The following SLC30A6 variants were observed in gnomAD, a reference collection of about 807,000 sequenced individuals.
The protein encoded by SLC30A6 is zinc transporter 6.
In SLC30A6, 55 loss-of-function variants were observed where a neutral mutation model predicts 63.0. The observed-to-expected ratio is 0.87, with a 90% CI of 0.70 to 1.09. The LOEUF (loss-of-function observed/expected upper bound fraction) is 1.09. SLC30A6 is among the 50% of genes least tolerant of loss of function. SLC30A6 has a pLI of 0.00. For missense variants in SLC30A6, 587 were observed against 549.2 expected (o/e 1.07, Z -0.69); for synonymous variants, 224 against 186.1 (o/e 1.20, Z -1.66).
Position 32,220,217 on chromosome 2 carries a change from G to A in SLC30A6, c.890G>A (p.Gly297Glu), listed in dbSNP as rs761411055. 2 of 1,611,654 alleles carry A rather than the reference G, an allele frequency of 1.2e-6. No homozygotes were observed. The highest frequency in any genetic ancestry group is 1.7e-6 in the Non-Finnish European group (2 of 1,177,994). ...TTATGATTTTGCCCCTTTTAGGCTG[G>A]ATCAGTGCATGTAAGAATTCGACGA... Reference protein sequence around the residue: ...FWTLGFGSLAGSVHVRIRRDA... With the variant: ...FWTLGFGSLAESVHVRIRRDA... The change falls in exon 14 of 14, where the codon GGA becomes GAA. Residue 297 changes from glycine (G) to glutamate (E), a missense_variant. Transcript: ENST00000282587.
At chr2:32,188,570 T>C (rs1194590864) in intron 5 of SLC30A6, among the ~76,000 whole-genome samples, 2 of 152,152 alleles carry the variant, frequency 1.3e-5, no homozygotes, top group Non-Finnish European at 2.9e-5. Flanking sequence ...GGTGCGAGCC[T>C]GTCGTCCCAC....
At chr2:32,165,940 C>T (rs1007009777) in intron 1 of SLC30A6, 37 bp downstream of exon 1, 29 of 1,613,990 alleles carry the variant, frequency 1.8e-5, no homozygotes, top group Non-Finnish European at 2.5e-5. Flanking sequence ...TCGGCTGTAG[C>T]TGATTCGGTT....
chr2:32,200,267 C>A (rs1017363663), intron 10 of SLC30A6, among the ~76,000 whole-genome samples: 1 of 151,938 alleles, frequency 6.6e-6, no homozygotes, highest in Non-Finnish European at 1.5e-5. Flanking sequence ...TTGCTAGTTA[C>A]CTTTTATTTT....
intron 10 of SLC30A6, among the ~76,000 whole-genome samples, chr2:32,198,070 A>T (rs181712449): frequency 1.3e-5 from 2 of 152,320 alleles, no homozygotes; most frequent in African/African-American, 4.8e-5. Context: ...TGCTGACCTG[A>T]TGAGTGAAAC....
At chr2:32,202,294 T>C in intron 10 of SLC30A6, 1 of 488,804 alleles carries the variant, frequency 2.0e-6, no homozygotes, top group South Asian at 2.4e-5. Context: ...TTGCGATCCC[T>C]TTGATTGAAA....
chr2:32,178,891 CT>C (rs1011388273), intron 4 of SLC30A6, among the ~76,000 whole-genome samples: 2 of 152,082 alleles, frequency 1.3e-5, no homozygotes, highest in African/African-American at 4.8e-5. Context: ...AACAGGCATT[CT>C]TTTTTCTCAG....
chr2:32,201,311 C>G (rs1684272296), intron 10 of SLC30A6, among the ~76,000 whole-genome samples: 1 of 152,148 alleles, frequency 6.6e-6, no homozygotes, highest in African/African-American at 2.4e-5. Flanking sequence ...GAACTTCAGC[C>G]AGTTTGAATT....
chr2:32,192,600 C>CT (rs1683432789), intron 6 of SLC30A6, among the ~76,000 whole-genome samples, 184 bp downstream of exon 6: 1 of 151,992 alleles, frequency 6.6e-6, no homozygotes, highest in South Asian at 2.1e-4. Context: ...TACTTCCTTC[C>CT]TTAATGCTAC....
rs149717031 is a variant in SLC30A6, at chr2:32,186,041, T to TTG, written c.284+1718_284+1719dup. On this transcript the variant is annotated intron_variant, in intron 5 of 13. Transcript: ENST00000282587. ...CCACCACACCCAGACTTTTTTTCTT[T>TTG]TGTGTGTGTGTGTGTGACAGTTTTG... Among the ~76,000 whole-genome samples the TTG allele has an allele frequency of 4.5e-3, 673 of 151,190 alleles. 5 individuals carry two copies. Among genetic ancestry groups the TTG allele is most frequent in the South Asian group, 0.022 (106 of 4,762 alleles).
intron 4 of SLC30A6, among the ~76,000 whole-genome samples, chr2:32,179,935 G>A (rs867308200): frequency 6.6e-6 from 1 of 151,908 alleles, no homozygotes; most frequent in East Asian, 1.9e-4. Flanking sequence ...TAAATAAAAC[G>A]CCAATTTAAA....
intron 5 of SLC30A6, among the ~76,000 whole-genome samples, chr2:32,186,907 A>C (rs1682870884): frequency 6.8e-6 from 1 of 147,558 alleles, no homozygotes; most frequent in African/African-American, 2.5e-5. Flanking sequence ...TGAATTGGGA[A>C]AATGGCTTGA....
intron 8 of SLC30A6, 125 bp downstream of exon 8, chr2:32,194,108 C>T (rs1199683787): frequency 5.0e-6 from 3 of 604,794 alleles, no homozygotes; most frequent in Admixed American, 7.3e-5. Context: ...AGAACTAGCC[C>T]AAATGTTCTC....
intron 12 of SLC30A6, among the ~76,000 whole-genome samples, chr2:32,207,769 C>G (rs985796982): frequency 1.5e-5 from 2 of 134,506 alleles, no homozygotes; most frequent in Non-Finnish European, 1.5e-5. Flanking sequence ...GGCACAATCT[C>G]GGCTCACTGC....
At chr2:32,194,267 A>G (rs1294874016) in intron 8 of SLC30A6, among the ~76,000 whole-genome samples, 2 of 152,216 alleles carry the variant, frequency 1.3e-5, no homozygotes, top group African/African-American at 4.8e-5. Flanking sequence ...TGAGATTCTA[A>G]ATGTGTAATC....
rs774503688 is a variant in SLC30A6 at position 32,171,306 on chromosome 2, G to A, written c.23G>A (p.Arg8Gln). The change falls in exon 2 of 14, where the codon CGA becomes CAA. Residue 8 changes from arginine to glutamine, a missense_variant. Transcript: ENST00000282587. MGTIHLFRKPQRSFFGKL... is the reference protein window; with the variant it reads MGTIHLFQKPQRSFFGKL... The stretch of plus-strand genomic sequence containing the variant: ...TGAAAGGGGACAATTCATCTCTTTC[G>A]AAAACCACAAAGATCCTTTTTTGGC... 36 of 1,613,354 alleles carry A rather than the reference G, an allele frequency of 2.2e-5. 1 individual carries two copies. In the South Asian group the frequency reaches 3.3e-4, roughly 15 times the overall value.
intron 12 of SLC30A6, among the ~76,000 whole-genome samples, chr2:32,208,703 A>G (rs1684999696): frequency 1.3e-5 from 2 of 150,078 alleles, no homozygotes. Context: ...TAGTAGAGAC[A>G]GGGTTTCGCC....
At chr2:32,215,868 T>TTTA (rs1685661326) in intron 13 of SLC30A6, among the ~76,000 whole-genome samples, 1 of 23,870 alleles carries the variant, frequency 4.2e-5, no homozygotes, top group Non-Finnish European at 9.7e-5. Context: ...GGCTAATTTA[T>TTTA]TTTTTATAAC....
intron 6 of SLC30A6, 117 bp from the exon 7 acceptor site, chr2:32,192,801 A>T: frequency 1.7e-6 from 1 of 604,662 alleles, no homozygotes; most frequent in Non-Finnish European, 2.7e-6. Flanking sequence ...GCTAATAGTT[A>T]ATAGTTATAA....
intron 1 of SLC30A6, among the ~76,000 whole-genome samples, chr2:32,166,188 A>C (rs895420355): frequency 6.6e-6 from 1 of 152,350 alleles, no homozygotes; most frequent in Middle Eastern, 3.4e-3. Context: ...GATTTCTTTA[A>C]GGTAATAAAA....
Sources: allele counts gnomAD v4.1 joint callset (sites outside exome capture counted in the v4.1 genomes callset), GRCh38; gene constraint gnomAD v4.1.1; transcripts MANE v1.5; gene names NCBI Gene and HGNC (gene_info 2026-07-23, HGNC 2026-07-21).